The following TARS3 variants were observed in gnomAD, a reference collection of about 807,000 sequenced individuals.
TARS3 encodes the protein threonine--tRNA ligase 2, cytoplasmic.
In TARS3, 94 loss-of-function variants were observed where a neutral mutation model predicts 103.5. The ratio of observed to expected loss-of-function variants is 0.91; its 90% CI spans 0.77 to 1.08. The LOEUF is 1.08. TARS3 is among the 50% of genes least tolerant of loss of function. TARS3 has a pLI of 0.00. For synonymous variants in TARS3, 416 were observed against 355.4 expected, an observed-to-expected ratio of 1.17 and a Z score of -1.92; for missense variants, 952 against 995.2, an observed-to-expected ratio of 0.96 and a Z score of 0.58.
chr15:101,676,427 C>A (rs1470490746), intron 12 of TARS3, among the ~76,000 whole-genome samples: 1 of 152,160 alleles, frequency 6.6e-6, no homozygotes, highest in Non-Finnish European at 1.5e-5. Context: ...CAGAGAGAGG[C>A]AGCTGAAATG....
chr15:101,693,375 A>C (rs1418582530), intron 10 of TARS3, among the ~76,000 whole-genome samples: 4 of 151,992 alleles, frequency 2.6e-5, no homozygotes, highest in Non-Finnish European at 5.9e-5. Flanking sequence ...AAATCATCAG[A>C]TCTCAAGAGA....
intron 3 of TARS3, among the ~76,000 whole-genome samples, chr15:101,716,855 ATTTTTT>A (rs34234379): frequency 7.6e-6 from 1 of 131,668 alleles, no homozygotes; most frequent in African/African-American, 2.9e-5. Flanking sequence ...CTACAATGTA[ATTTTTT>A]TTTTTTTTTT....
At chr15:101,704,447 A>G (rs950507978) in intron 7 of TARS3, among the ~76,000 whole-genome samples, 1 of 152,098 alleles carries the variant, frequency 6.6e-6, no homozygotes, top group African/African-American at 2.4e-5. Context: ...GAGGTCAGGC[A>G]TTCGAGACCA....
chr15:101,665,666 A>G (rs1328408329), intron 15 of TARS3, among the ~76,000 whole-genome samples: 1 of 152,246 alleles, frequency 6.6e-6, no homozygotes, highest in Non-Finnish European at 1.5e-5. Flanking sequence ...GGAAGAATTA[A>G]TAAGATGGCA....
At chr15:101,700,994 A>T in intron 10 of TARS3, 92 bp downstream of exon 10, 1 of 797,230 alleles carries the variant, frequency 1.3e-6, no homozygotes, top group Non-Finnish European at 1.9e-6. Flanking sequence ...AAGTAAAGTT[A>T]ATGGAAACGC....
At chr15:101,716,255 C>T (rs1900153778) in intron 3 of TARS3, among the ~76,000 whole-genome samples, 1 of 152,002 alleles carries the variant, frequency 6.6e-6, no homozygotes, top group South Asian at 2.1e-4. Context: ...GTGTTGATCT[C>T]TTTCTTTCTG....
chr15:101,717,272 T>G (rs531332157), intron 3 of TARS3, among the ~76,000 whole-genome samples: 1 of 152,362 alleles, frequency 6.6e-6, no homozygotes, highest in Non-Finnish European at 1.5e-5. Flanking sequence ...GACAATTTAC[T>G]CAGCTTCTTT....
At position 101,657,915 on chromosome 15, in the gene TARS3, T is replaced by C. The variant is rs550113514; in HGVS notation, c.2073-58A>G. ...AGTGTAATAATGGCTACTTATTACA[T>C]GATTTTCAAATAACCAAAGATTCTT... On this transcript the variant is annotated intron_variant, in intron 16 of 18. Transcript: ENST00000335968. 7.1e-4 allele frequency: 773 copies of C among 1,089,022 alleles called. 10 individuals carry two copies. The South Asian group carries it at 0.011, about 16-fold the overall frequency. The allele number at this position is 1,089,022 out of a possible 1,614,324, so 67.5% of individuals were successfully genotyped here. A position where few individuals can be genotyped will look rare whatever the true frequency, so the allele number is the denominator to read the frequency against.
At chr15:101,689,813 T>A (rs1282746383) in intron 10 of TARS3, among the ~76,000 whole-genome samples, 8 of 152,168 alleles carry the variant, frequency 5.3e-5, no homozygotes, top group Non-Finnish European at 1.0e-4. Flanking sequence ...TTTGTTATAA[T>A]ACCCTAGGAA....
At chr15:101,662,881 C>T (rs1158821015) in intron 15 of TARS3, among the ~76,000 whole-genome samples, 1 of 152,192 alleles carries the variant, frequency 6.6e-6, no homozygotes, top group Non-Finnish European at 1.5e-5. Flanking sequence ...ACTATGATTA[C>T]ACATCTGTGC....
rs142126079 is a variant in TARS3 at position 101,693,445 on chromosome 15, G to A, written c.1321-7383C>T. ...CCACCCCCACGATTCAATTATCTCC[G>A]CCTGGCCCCACCCCTGACCCTTGGG... On this transcript the variant is annotated intron_variant, in intron 10 of 18. Coordinates refer to ENST00000335968, the MANE Select transcript of TARS3 (RefSeq NM_152334.3). Among the ~76,000 whole-genome samples the A allele has an allele frequency of 4.2e-3, 641 of 152,154 alleles. 5 individuals carry two copies. The highest frequency in any genetic ancestry group is 0.015 in the African/African-American group (606 of 41,516).
Position 101,721,213 on chromosome 15 carries a change from T to C in TARS3, c.479A>G (p.Asn160Ser). ...AIYGKKGDTS[N>S]IITVRVADGQ... is the part of the protein sequence containing the mutation. ...ATCAGCCACTCTTACTGTGATGATGTTGCTTGTATCCCCCTTTTTTCCATA... is the reference window on the plus strand; with the variant it reads ...ATCAGCCACTCTTACTGTGATGATGCTGCTTGTATCCCCCTTTTTTCCATA... Residue 160 changes from asparagine (N) to serine (S), a missense_variant, in exon 3 of 19, where the codon AAC becomes AGC. Asn to Ser is a conservative substitution (Grantham distance 46, BLOSUM62 1). Transcript: ENST00000335968. The C allele has an allele frequency of 6.2e-7, 1 of 1,614,112 alleles. No individual in the cohort carries two copies. Among genetic ancestry groups the C allele is most frequent in the South Asian group, 1.1e-5 (1 of 91,080 alleles).
chr15:101,723,565 GA>G (rs1384463757), intron 1 of TARS3, among the ~76,000 whole-genome samples: 5 of 152,138 alleles, frequency 3.3e-5, no homozygotes, highest in African/African-American at 7.2e-5. Flanking sequence ...GATGTTAAAA[GA>G]AGATAATTTA....
chr15:101,718,296 G>C (rs562653284), intron 3 of TARS3, among the ~76,000 whole-genome samples: 2 of 152,072 alleles, frequency 1.3e-5, no homozygotes, highest in Non-Finnish European at 2.9e-5. Flanking sequence ...TGAAACCGGA[G>C]GGCGGAGGTT....
At chr15:101,678,706 T>C (rs752921487) in intron 12 of TARS3, among the ~76,000 whole-genome samples, 10 of 152,212 alleles carry the variant, frequency 6.6e-5, no homozygotes, top group Non-Finnish European at 1.2e-4. Context: ...TCAAACATAA[T>C]TTAGAAAACG....
intron 5 of TARS3, among the ~76,000 whole-genome samples, chr15:101,710,612 A>G (rs557315531): frequency 3.7e-4 from 56 of 152,348 alleles, no homozygotes; most frequent in African/African-American, 1.3e-3. Flanking sequence ...CACCTTTGAG[A>G]TAAGAATTGT....
At chr15:101,693,940 G>A (rs1000779620) in intron 10 of TARS3, among the ~76,000 whole-genome samples, 5 of 152,072 alleles carry the variant, frequency 3.3e-5, no homozygotes, top group Non-Finnish European at 5.9e-5. Context: ...TGACGGAACT[G>A]TTCTGTATCT....
chr15:101,658,311 CAAAAAAAAAA>C (rs36121104), intron 16 of TARS3, among the ~76,000 whole-genome samples: 3 of 70,162 alleles, frequency 4.3e-5, no homozygotes, highest in Non-Finnish European at 7.5e-5. Flanking sequence ...ACACCATCAG[CAAAAAAAAAA>C]AAAAAAAAAA....
At chr15:101,698,599 A>G (rs1021566068) in intron 10 of TARS3, among the ~76,000 whole-genome samples, 2 of 152,172 alleles carry the variant, frequency 1.3e-5, no homozygotes, top group South Asian at 2.1e-4. Context: ...GAGTAAGACT[A>G]TCTATTGCAT....
Sources: allele counts gnomAD v4.1 joint callset (sites outside exome capture counted in the v4.1 genomes callset), GRCh38; gene constraint gnomAD v4.1.1; transcripts MANE v1.5; gene names NCBI Gene and HGNC (gene_info 2026-07-23, HGNC 2026-07-21).